The following PRSS48 variants were observed in gnomAD, a reference collection of about 807,000 sequenced individuals.
PRSS48 encodes epidermis-specific serine protease-like protein.
In PRSS48, 21 loss-of-function variants were observed where a neutral mutation model predicts 25.6. The observed-to-expected ratio is 0.82, with a 90% CI of 0.58 to 1.18. The LOEUF is 1.18. PRSS48 is among the 50% of genes most tolerant of loss of function. The probability of loss-of-function intolerance (pLI) is 0.00; values close to 1 mark genes in which losing one functional copy is unlikely to be tolerated. For synonymous variants in PRSS48, 150 were observed against 149.3 expected (o/e 1.00, Z -0.04); for missense variants, 373 against 399.3 (o/e 0.93, Z 0.56).
chr4:151,280,151 G>A (rs1368167566), intron 2 of PRSS48, among the ~76,000 whole-genome samples, 193 bp downstream of exon 2: 1 of 67,428 alleles, frequency 1.5e-5, no homozygotes, highest in Non-Finnish European at 4.5e-5. Context: ...TTGGAGACAG[G>A]CACTATATTA....
intron 1 of PRSS48, among the ~76,000 whole-genome samples, 193 bp from the exon 2 acceptor site, chr4:151,279,603 A>G (rs1375894148): frequency 3.9e-5 from 6 of 152,214 alleles, no homozygotes; most frequent in African/African-American, 1.4e-4. Flanking sequence ...AAAAAGAAAG[A>G]GCTACAATCA....
In PRSS48 at chr4:151,281,348, T is replaced by C. The variant is rs374581431; in HGVS notation, c.216-800T>C. Among the ~76,000 whole-genome samples the C allele has an allele frequency of 3.9e-5, 6 of 152,260 alleles. No individual in the cohort carries two copies. The East Asian group carries it at 1.2e-3, about 29-fold the overall frequency. ...TTTTATAAGAAATGTAATCACCCAA[T>C]AGGACCCAGTAGTGAACAATGTTTA... is the stretch of plus-strand genomic sequence containing the variant. On this transcript the variant is annotated intron_variant, in intron 2 of 4. Transcript: ENST00000455694.
At chr4:151,289,861 C>T (rs1775154137) in intron 4 of PRSS48, among the ~76,000 whole-genome samples, 1 of 152,214 alleles carries the variant, frequency 6.6e-6, no homozygotes, top group Admixed American at 6.5e-5. Flanking sequence ...AGAAGGATCG[C>T]TTCAGCCCAA....
At chr4:151,287,170 G>C (rs1221034654) in intron 4 of PRSS48, among the ~76,000 whole-genome samples, 1 of 151,110 alleles carries the variant, frequency 6.6e-6, no homozygotes, top group African/African-American at 2.4e-5. Flanking sequence ...GTAAATCCTT[G>C]TCTCTATTAA....
intron 3 of PRSS48, 95 bp from the exon 4 acceptor site, chr4:151,283,022 G>A: frequency 9.0e-7 from 1 of 1,108,172 alleles, no homozygotes; most frequent in South Asian, 1.8e-5. Context: ...GCTGCTTTTG[G>A]ATTCCCATTC....
chr4:151,290,984 A>G lies in PRSS48; in HGVS notation c.652-134A>G, dbSNP rs1197788527. 6 of 607,012 alleles carry G rather than the reference A, an allele frequency of 9.9e-6. No individual in the cohort carries two copies. In the Admixed American group the frequency reaches 1.2e-4, roughly 12 times the overall value. The allele number at this position is 607,012 out of a possible 1,614,324, so 37.6% of individuals were successfully genotyped here. On this transcript the variant is annotated intron_variant, in intron 4 of 4. Transcript: ENST00000455694. ...GTGATATCTCCCTAAAGCAGTGATT[A>G]GTCCAGCCCCCTGCAGGGTTCCACA...
At chr4:151,280,063 C>T (rs189480739) in intron 2 of PRSS48, 105 bp downstream of exon 2, 12 of 1,309,262 alleles carry the variant, frequency 9.2e-6, no homozygotes, top group South Asian at 2.7e-5. Flanking sequence ...ATAGGCAGGG[C>T]GGAAGGAAAC....
chr4:151,280,180 TG>T (rs1774077682), intron 2 of PRSS48, among the ~76,000 whole-genome samples: 1 of 72,632 alleles, frequency 1.4e-5, no homozygotes, highest in Admixed American at 1.6e-4. Flanking sequence ...TCTTATTTTT[TG>T]CCAAATCACC....
intron 1 of PRSS48, chr4:151,279,078 G>T: frequency 4.9e-6 from 2 of 412,242 alleles, no homozygotes; most frequent in South Asian, 3.9e-5. Context: ...ACTGACCAGG[G>T]AACATCCACA....
At chr4:151,283,200 G>T in exon 4 of PRSS48, 1 of 1,613,784 alleles carries the variant, frequency 6.2e-7, no homozygotes, top group East Asian at 2.2e-5. Flanking sequence ...CAATCCCATC[G>T]GTATCTTCTT....
chr4:151,279,110 T>C (rs1773926325), intron 1 of PRSS48: 1 of 433,978 alleles, frequency 2.3e-6, no homozygotes, highest in South Asian at 1.8e-5. Context: ...GGCCCAAGTA[T>C]AGGCTGACCT....
intron 4 of PRSS48, among the ~76,000 whole-genome samples, chr4:151,287,878 C>G (rs1561433928): frequency 6.6e-6 from 1 of 152,100 alleles, no homozygotes; most frequent in Non-Finnish European, 1.5e-5. Context: ...AGACCCCTCT[C>G]TCTTTTTTTA....
At chr4:151,278,043 CAAAAA>C (rs1221883310) in intron 1 of PRSS48, among the ~76,000 whole-genome samples, 3 of 150,720 alleles carry the variant, frequency 2.0e-5, no homozygotes, top group Admixed American at 1.3e-4. Flanking sequence ...CCCGTCCCCC[CAAAAA>C]ACAGAAAGGG....
chr4:151,277,353 A>G, intron 1 of PRSS48, 129 bp downstream of exon 1: 1 of 592,080 alleles, frequency 1.7e-6, no homozygotes, highest in Non-Finnish European at 2.5e-6. Context: ...GAAGGTCCTG[A>G]GAGGCTACTA....
At chr4:151,285,314 A>T (rs183172468) in intron 4 of PRSS48, among the ~76,000 whole-genome samples, 1 of 152,344 alleles carries the variant, frequency 6.6e-6, no homozygotes, top group Non-Finnish European at 1.5e-5. Flanking sequence ...TTTCCTCTTA[A>T]GTGCCCATGG....
exon 3 of PRSS48, chr4:151,282,216 T>G: frequency 6.2e-7 from 1 of 1,613,926 alleles, no homozygotes; most frequent in Non-Finnish European, 8.5e-7. Flanking sequence ...AGGAAACGTG[T>G]GAAGTACTAC....
intron 4 of PRSS48, among the ~76,000 whole-genome samples, chr4:151,285,651 G>A (rs562268816): frequency 7.0e-4 from 107 of 152,166 alleles, no homozygotes; most frequent in Non-Finnish European, 1.3e-3. Flanking sequence ...ACAAGACACT[G>A]GAAAAAGAAG....
chr4:151,285,709 AT>A (rs1335198671), intron 4 of PRSS48, among the ~76,000 whole-genome samples: 1 of 151,992 alleles, frequency 6.6e-6, no homozygotes, highest in Non-Finnish European at 1.5e-5. Context: ...TCTACTAAAA[AT>A]TTAAAAAGTT....
At chr4:151,277,165 A>T, upstream of PRSS48, 1 of 1,461,836 alleles carries the variant, frequency 6.8e-7, no homozygotes, top group Non-Finnish European at 9.2e-7. Context: ...GGCTCTGAGG[A>T]CAGAGACATG....
Sources: allele counts gnomAD v4.1 joint callset (sites outside exome capture counted in the v4.1 genomes callset), GRCh38; gene constraint gnomAD v4.1.1; transcripts MANE v1.5; gene names NCBI Gene and HGNC (gene_info 2026-07-23, HGNC 2026-07-21).